The following CDH12 variants were observed in gnomAD, a reference collection of about 807,000 sequenced individuals.
CDH12 encodes cadherin 12, also known as cadherin-12.
A neutral mutation model predicts 74.1 loss-of-function variants in CDH12; 41 were observed. That is an observed-to-expected ratio of 0.55 (90% confidence interval 0.43 to 0.72). The LOEUF (loss-of-function observed/expected upper bound fraction) is 0.72. Among genes scored for constraint, CDH12 ranks in the 30% least tolerant of loss-of-function variants. CDH12 has a pLI of 0.00. For synonymous variants in CDH12, 399 were observed against 355.0 expected, an observed-to-expected ratio of 1.12 and a Z score of -1.39; for missense variants, 945 against 977.2, an observed-to-expected ratio of 0.97 and a Z score of 0.44.
chr5:22,663,140 T>C (rs1740434394), intron 1 of CDH12, among the ~76,000 whole-genome samples: 1 of 151,922 alleles, frequency 6.6e-6, no homozygotes, highest in African/African-American at 2.4e-5. Flanking sequence ...AATGAAAAGC[T>C]GAAGATAAAA....
At chr5:22,339,011 G>C (rs778672100) in intron 3 of CDH12, among the ~76,000 whole-genome samples, 1 of 152,114 alleles carries the variant, frequency 6.6e-6, no homozygotes, top group Non-Finnish European at 1.5e-5. Flanking sequence ...TTTGGAAGAG[G>C]ACTTAGAGTT....
At chr5:22,075,775 C>A (rs775682629) in intron 5 of CDH12, among the ~76,000 whole-genome samples, 4 of 151,940 alleles carry the variant, frequency 2.6e-5, no homozygotes, top group African/African-American at 4.8e-5. Context: ...TTCTCCTAAC[C>A]CCCCAAGTTG....
At chr5:22,835,209 CTG>C (rs1736771638) in intron 1 of CDH12, among the ~76,000 whole-genome samples, 1 of 152,014 alleles carries the variant, frequency 6.6e-6, no homozygotes, top group Non-Finnish European at 1.5e-5. Flanking sequence ...TGTCTACACT[CTG>C]TTCACATATA....
At chr5:22,234,229 C>T (rs986017094) in intron 3 of CDH12, among the ~76,000 whole-genome samples, 14 of 151,980 alleles carry the variant, frequency 9.2e-5, no homozygotes. Flanking sequence ...GGGAGTTATA[C>T]CTATACTGCC....
At chr5:22,314,616 T>A (rs993750245) in intron 3 of CDH12, among the ~76,000 whole-genome samples, 5 of 152,132 alleles carry the variant, frequency 3.3e-5, no homozygotes, top group African/African-American at 1.2e-4. Flanking sequence ...ATATACATGG[T>A]TTTAGATGGT....
chr5:22,090,550 T>C (rs1422220291), intron 4 of CDH12, among the ~76,000 whole-genome samples: 2 of 149,618 alleles, frequency 1.3e-5, no homozygotes, highest in Non-Finnish European at 3.0e-5. Flanking sequence ...CCTTTAACAT[T>C]ACAATACTGA....
At chr5:22,542,282 T>A (rs1738139520) in intron 1 of CDH12, among the ~76,000 whole-genome samples, 1 of 152,292 alleles carries the variant, frequency 6.6e-6, no homozygotes. Flanking sequence ...AAAGCAATTT[T>A]AAAAAATTGG....
intron 8 of CDH12, among the ~76,000 whole-genome samples, chr5:21,833,787 C>G (rs1408806453): frequency 1.3e-5 from 2 of 151,674 alleles, no homozygotes; most frequent in Non-Finnish European, 1.5e-5. Flanking sequence ...CAAGCTATGT[C>G]AGTTGAAACA....
intron 3 of CDH12, among the ~76,000 whole-genome samples, chr5:22,367,526 C>T (rs1741085383): frequency 2.0e-5 from 3 of 152,274 alleles, no homozygotes; most frequent in South Asian, 2.1e-4. Context: ...ACCCTAAGTG[C>T]TGAGTCTGAT....
intron 3 of CDH12, among the ~76,000 whole-genome samples, chr5:22,384,509 G>C (rs1204572246): frequency 3.3e-5 from 4 of 120,654 alleles, no homozygotes; most frequent in South Asian, 2.9e-4. Context: ...CTGGGCCACA[G>C]AGCGAAACTC....
chr5:22,343,689 A>T (rs988309130), intron 3 of CDH12, among the ~76,000 whole-genome samples: 4 of 152,174 alleles, frequency 2.6e-5, no homozygotes, highest in African/African-American at 9.6e-5. Flanking sequence ...AAGTGCTGGG[A>T]TTACAGGCGT....
chr5:22,595,480 A>T (rs1258741780), intron 1 of CDH12, among the ~76,000 whole-genome samples: 3 of 152,230 alleles, frequency 2.0e-5, no homozygotes, highest in African/African-American at 7.2e-5. Flanking sequence ...ACATTTACGT[A>T]TTCATTCATT....
rs1203952166 is a variant in CDH12 at position 21,765,060 on chromosome 5, T to C, written c.1433A>G (p.Asn478Ser). The C allele has an allele frequency of 6.2e-7, 1 of 1,607,372 alleles. No homozygotes were observed. Among genetic ancestry groups the C allele is most frequent in the Admixed American group, 1.7e-5 (1 of 59,400 alleles). ...AGGAAATTCATTTACATCTAAGACA[T>C]TAATCAGTATATTGACTTTGCTGGT... Reference protein sequence around the residue: ...LLTSKVNILINVLDVNEFPPE... With the variant: ...LLTSKVNILISVLDVNEFPPE... Residue 478 changes from asparagine (N) to serine (S), a missense_variant, in exon 12 of 15, where the codon AAT (asparagine) becomes AGT (serine). Physicochemically the swap from Asn to Ser is conservative, Grantham distance 46. Transcript: ENST00000382254.
chr5:21,949,962 A>T (rs989835707), intron 6 of CDH12, among the ~76,000 whole-genome samples: 3 of 152,222 alleles, frequency 2.0e-5, no homozygotes, highest in Non-Finnish European at 2.9e-5. Flanking sequence ...TGCCCTAGGC[A>T]TTTACGCTCA....
At chr5:22,358,317 G>C (rs1311414506) in intron 3 of CDH12, among the ~76,000 whole-genome samples, 2 of 71,822 alleles carry the variant, frequency 2.8e-5, no homozygotes, top group Non-Finnish European at 5.7e-5. Flanking sequence ...GTTGAGGCAG[G>C]AGAATAACTT....
intron 4 of CDH12, among the ~76,000 whole-genome samples, chr5:22,102,890 C>T (rs1744226927): frequency 6.6e-6 from 1 of 152,078 alleles, no homozygotes; most frequent in Admixed American, 6.6e-5. Context: ...AGATCCTCAT[C>T]AGATGCCATG....
chr5:21,976,188 T>C (rs975866126), intron 5 of CDH12, among the ~76,000 whole-genome samples: 4 of 152,186 alleles, frequency 2.6e-5, no homozygotes, highest in African/African-American at 9.6e-5. Flanking sequence ...TCATTCTATA[T>C]ATAGAATATT....
chr5:22,254,921 A>G (rs945465023), intron 3 of CDH12, among the ~76,000 whole-genome samples: 6 of 151,828 alleles, frequency 4.0e-5, no homozygotes, highest in Non-Finnish European at 8.8e-5. Context: ...AGTTATTTTG[A>G]AATATACTGT....
intron 1 of CDH12, among the ~76,000 whole-genome samples, chr5:22,696,973 G>A (rs1482286226): frequency 6.6e-6 from 1 of 151,750 alleles, no homozygotes; most frequent in Non-Finnish European, 1.5e-5. Context: ...ATCTTAAAAA[G>A]AACTCCTACC....
Sources: allele counts gnomAD v4.1 joint callset (sites outside exome capture counted in the v4.1 genomes callset), GRCh38; gene constraint gnomAD v4.1.1; transcripts MANE v1.5; gene names NCBI Gene and HGNC (gene_info 2026-07-23, HGNC 2026-07-21).